GAB2: variants seen among roughly 807,000 people sequenced by gnomAD.
GAB2 encodes GRB2-associated-binding protein 2.
GAB2 carries 26 observed loss-of-function variants against 65.5 expected under a neutral mutation model. The ratio of observed to expected loss-of-function variants is 0.40; its 90% confidence interval spans 0.29 to 0.55. The LOEUF (loss-of-function observed/expected upper bound fraction) is 0.55, where lower values mean the gene tolerates loss of function less well. GAB2 is among the 20% of genes least tolerant of loss of function. GAB2 has a pLI of 0.53. For synonymous variants in GAB2, 321 were observed against 329.6 expected (o/e 0.97, Z 0.28); for missense variants, 884 against 875.8 (o/e 1.01, Z -0.12).
intron 1 of GAB2, among the ~76,000 whole-genome samples, chr11:78,373,457 T>C (rs1027173178): frequency 2.0e-5 from 3 of 152,084 alleles, no homozygotes; most frequent in African/African-American, 7.2e-5. Context: ...AGGCTGGTCT[T>C]GGACTACTGA....
At position 78,310,793 on chromosome 11, in the gene GAB2, G is replaced by T. The variant is rs535410470; in HGVS notation, c.76-29892C>A. On this transcript the variant is annotated intron_variant, in intron 1 of 9. Coordinates refer to ENST00000361507, the MANE Select transcript of GAB2 (RefSeq NM_080491.3). ...GCTGCAGCTTCAGGTGTGGGAAAGA[G>T]CAAAGTTCATTGCCACAAACCCTGA... Among the ~76,000 whole-genome samples, 21 of 152,272 alleles carry T rather than the reference G, an allele frequency of 1.4e-4. No homozygotes were observed. In the East Asian group the frequency reaches 3.5e-3, roughly 25 times the overall value.
Position 78,309,969 on chromosome 11 carries a change from T to TGC in GAB2, c.76-29069_76-29068insGC, listed in dbSNP as rs1374379851. 1.1e-4 allele frequency among the ~76,000 whole-genome samples: 12 copies of TGC among 104,462 alleles called. No homozygotes were observed. The South Asian group carries it at 1.7e-3, about 15-fold the overall frequency. The allele number at this position is 104,462 out of a possible 152,430, so 68.5% of individuals were successfully genotyped here. ...GTGTGTGTGTGTGTGTGTGTGTGTG[T>TGC]GTGCGCGCGCGCCTGTGTGTGTGGT... On this transcript the variant is annotated intron_variant, in intron 1 of 9. Coordinates refer to ENST00000361507, the MANE Select transcript of GAB2 (RefSeq NM_080491.3).
intron 1 of GAB2, among the ~76,000 whole-genome samples, chr11:78,335,312 T>C (rs892921980): frequency 6.6e-6 from 1 of 152,192 alleles, no homozygotes; most frequent in Non-Finnish European, 1.5e-5. Flanking sequence ...TGCCATTTTT[T>C]TCTAGACCAA....
chr11:78,358,456 T>TAAC lies in GAB2; in HGVS notation c.75+59189_75+59190insGTT, dbSNP rs1174654036. ...ACTTAAAATATAATAATAATAATAA[T>TAAC]AATAATAATAATAATAATAAAGTGA... On this transcript the variant is annotated intron_variant, in intron 1 of 9. Transcript: ENST00000361507. Among the ~76,000 whole-genome samples, 6 of 128,924 alleles carry TAAC rather than the reference T, an allele frequency of 4.7e-5. No homozygotes were observed. In the East Asian group the frequency reaches 1.1e-3, roughly 23 times the overall value. 84.6% of individuals were successfully genotyped at this position (128,924 alleles called of 152,430 possible). A position where few individuals can be genotyped will look rare whatever the true frequency, so the allele number is the denominator to read the frequency against.
chr11:78,308,296 G>C (rs1297034414), intron 1 of GAB2, among the ~76,000 whole-genome samples: 1 of 152,150 alleles, frequency 6.6e-6, no homozygotes, highest in African/African-American at 2.4e-5. Context: ...GCATACGGGA[G>C]GCTGAGGGTG....
intron 1 of GAB2, among the ~76,000 whole-genome samples, chr11:78,335,387 G>A (rs1855980793): frequency 6.6e-6 from 1 of 152,168 alleles, no homozygotes; most frequent in Non-Finnish European, 1.5e-5. Context: ...TTAGATTTAA[G>A]TCTTTAATTC....
At chr11:78,276,108 T>C (rs1319630898) in intron 2 of GAB2, among the ~76,000 whole-genome samples, 5 of 103,910 alleles carry the variant, frequency 4.8e-5, no homozygotes, top group Non-Finnish European at 1.0e-4. Context: ...AGCAAGACTG[T>C]CTCAAAAAAA....
chr11:78,408,276 T>C (rs909368892), intron 1 of GAB2, among the ~76,000 whole-genome samples: 4 of 152,148 alleles, frequency 2.6e-5, no homozygotes, highest in African/African-American at 9.7e-5. Context: ...AAGGTTACTA[T>C]ACTTTACTTA....
chr11:78,327,611 C>T (rs1855846760), intron 1 of GAB2, among the ~76,000 whole-genome samples: 1 of 152,072 alleles, frequency 6.6e-6, no homozygotes, highest in African/African-American at 2.4e-5. Flanking sequence ...GCCAGGAAAA[C>T]ATGAGAATGA....
At chr11:78,273,330 T>C (rs1437134863) in intron 2 of GAB2, among the ~76,000 whole-genome samples, 1 of 152,218 alleles carries the variant, frequency 6.6e-6, no homozygotes, top group East Asian at 1.9e-4. Context: ...CCTGCAAAGC[T>C]ATAGAGGTGG....
chr11:78,275,938 A>G (rs887605430), intron 2 of GAB2, among the ~76,000 whole-genome samples: 22 of 151,760 alleles, frequency 1.4e-4, no homozygotes, highest in African/African-American at 5.1e-4. Flanking sequence ...ACAGGGTGAA[A>G]CCCTGTCTCT....
At chr11:78,237,109 G>C (rs1439574571) in intron 3 of GAB2, among the ~76,000 whole-genome samples, 5 of 152,112 alleles carry the variant, frequency 3.3e-5, no homozygotes, top group Non-Finnish European at 7.4e-5. Flanking sequence ...AAAGACTGTG[G>C]GTAAGATTGG....
intron 1 of GAB2, among the ~76,000 whole-genome samples, chr11:78,299,082 T>C (rs1171955505): frequency 6.6e-6 from 1 of 152,132 alleles, no homozygotes; most frequent in African/African-American, 2.4e-5. Flanking sequence ...AAACCTCAAA[T>C]GACTCTACTA....
chr11:78,410,773 T>C (rs1224314371), intron 1 of GAB2, among the ~76,000 whole-genome samples: 3 of 152,196 alleles, frequency 2.0e-5, no homozygotes, highest in Non-Finnish European at 2.9e-5. Context: ...AAAAAATTCC[T>C]AACAAAGACA....
chr11:78,290,850 G>A (rs1866645998), intron 1 of GAB2, among the ~76,000 whole-genome samples: 1 of 152,144 alleles, frequency 6.6e-6, no homozygotes, highest in African/African-American at 2.4e-5. Flanking sequence ...GTGGTCCAAA[G>A]CAGGTCTCTT....
intron 1 of GAB2, among the ~76,000 whole-genome samples, chr11:78,412,316 C>T (rs965621481): frequency 6.6e-6 from 1 of 152,080 alleles, no homozygotes; most frequent in Non-Finnish European, 1.5e-5. Flanking sequence ...TACATCCATA[C>T]CATGAAATAC....
intron 1 of GAB2, among the ~76,000 whole-genome samples, chr11:78,315,906 G>A (rs1257032239): frequency 6.6e-6 from 1 of 152,124 alleles, no homozygotes; most frequent in Non-Finnish European, 1.5e-5. Context: ...TCAGTGTACT[G>A]AGAAAGGAAG....
chr11:78,343,478 A>G (rs1253739664), intron 1 of GAB2, among the ~76,000 whole-genome samples: 1 of 152,118 alleles, frequency 6.6e-6, no homozygotes, highest in Non-Finnish European at 1.5e-5. Context: ...GGGCAAAAAG[A>G]CAGACTAGAA....
At chr11:78,258,993 T>C (rs2512534) in intron 2 of GAB2, among the ~76,000 whole-genome samples, 1 of 151,910 alleles carries the variant, frequency 6.6e-6, no homozygotes, top group African/African-American at 2.4e-5. Flanking sequence ...TAGTACCCAA[T>C]AGTTATTTTT....
Sources: gnomAD v4.1 joint callset for allele counts (sites outside exome capture counted in the v4.1 genomes callset) on GRCh38, gnomAD v4.1.1 for gene constraint, MANE v1.5 for transcripts, NCBI Gene and HGNC (gene_info 2026-07-23, HGNC 2026-07-21) for gene names.